The following FAM171A1 variants were observed in gnomAD, a reference collection of about 807,000 sequenced individuals.
FAM171A1 encodes the protein protein FAM171A1.
Under a neutral mutation model 74.9 loss-of-function variants are expected in FAM171A1, and 23 were observed. That is an observed-to-expected ratio of 0.31 (90% CI 0.22 to 0.44). The LOEUF (loss-of-function observed/expected upper bound fraction) is 0.44, where lower values mean the gene tolerates loss of function less well. Ranked by LOEUF, FAM171A1 falls within the 20% of genes least tolerant of loss-of-function variation. FAM171A1 has a pLI of 1.00. For missense variants in FAM171A1, 1,162 were observed against 1,159.2 expected, an observed-to-expected ratio of 1.00 and a Z score of -0.03; for synonymous variants, 527 against 505.7, an observed-to-expected ratio of 1.04 and a Z score of -0.57.
intron 5 of FAM171A1, among the ~76,000 whole-genome samples, chr10:15,233,887 C>A (rs181596191): frequency 2.5e-3 from 351 of 141,490 alleles, no homozygotes; most frequent in African/African-American, 9.1e-3. Flanking sequence ...GGTGACAGAG[C>A]AAGACTCCGT....
chr10:15,352,477 G>A (rs1835891220), intron 1 of FAM171A1, among the ~76,000 whole-genome samples: 1 of 152,124 alleles, frequency 6.6e-6, no homozygotes, highest in Non-Finnish European at 1.5e-5. Context: ...ATGTTTACTT[G>A]GCATTTATGA....
chr10:15,273,341 C>T (rs949355103), intron 3 of FAM171A1, among the ~76,000 whole-genome samples: 3 of 152,036 alleles, frequency 2.0e-5, no homozygotes, highest in African/African-American at 7.2e-5. Flanking sequence ...GACTAAACCA[C>T]GAAGAAGTTG....
At chr10:15,354,482 C>T (rs1267984470) in intron 1 of FAM171A1, among the ~76,000 whole-genome samples, 3 of 151,682 alleles carry the variant, frequency 2.0e-5, no homozygotes, top group East Asian at 1.9e-4. Context: ...GGTGACAGAG[C>T]GAGACCCTGT....
intron 3 of FAM171A1, among the ~76,000 whole-genome samples, chr10:15,274,706 G>A (rs1244029625): frequency 3.3e-5 from 5 of 152,172 alleles, no homozygotes; most frequent in Non-Finnish European, 7.3e-5. Flanking sequence ...CAATGGAACA[G>A]AACAGAGCCC....
intron 1 of FAM171A1, among the ~76,000 whole-genome samples, chr10:15,343,812 C>A (rs10906891): frequency 0.96 from 145,517 of 152,144 alleles, 69,682 homozygotes; most frequent in East Asian, 1. Context: ...ATCCATCTCT[C>A]AAAATAAAAT....
At position 15,212,743 on chromosome 10, in the gene FAM171A1, A is replaced by C. The variant is rs1833906325; in HGVS notation, c.*172T>G. 1 of 924,262 alleles carries C rather than the reference A, an allele frequency of 1.1e-6. No homozygotes were observed. Among genetic ancestry groups the C allele is most frequent in the African/African-American group, 1.7e-5 (1 of 60,536 alleles). 57.3% of individuals were successfully genotyped at this position (924,262 alleles called of 1,614,324 possible). A position where few individuals can be genotyped will look rare whatever the true frequency, so the allele number is the denominator to read the frequency against. On this transcript the variant is annotated 3_prime_UTR_variant, in exon 8 of 8. Coordinates refer to ENST00000378116, the MANE Select transcript of FAM171A1 (RefSeq NM_001010924.2). ...GCCAAAGTCATCCTTTATTCCGAGT[A>C]ATAACTTTAATTCCTTTCTAACATT...
intron 1 of FAM171A1, among the ~76,000 whole-genome samples, chr10:15,365,884 G>C (rs971155318): frequency 6.6e-5 from 10 of 152,262 alleles, no homozygotes; most frequent in Non-Finnish European, 1.0e-4. Context: ...ACAGAGGCTT[G>C]ATCAGAGAAG....
intron 1 of FAM171A1, among the ~76,000 whole-genome samples, chr10:15,299,960 T>TCAAA (rs3033566): frequency 0.64 from 95,238 of 148,460 alleles, 30,852 homozygotes; most frequent in East Asian, 0.82. Context: ...AGACTCCATC[T>TCAAA]CAAACAAACA....
intron 1 of FAM171A1, among the ~76,000 whole-genome samples, chr10:15,368,936 T>C (rs976059117): frequency 6.6e-6 from 1 of 152,182 alleles, no homozygotes; most frequent in Non-Finnish European, 1.5e-5. Flanking sequence ...GAGACCTGAT[T>C]TCTGAAAGAG....
intron 1 of FAM171A1, among the ~76,000 whole-genome samples, chr10:15,340,539 T>C (rs1835753585): frequency 6.6e-6 from 1 of 152,170 alleles, no homozygotes; most frequent in Non-Finnish European, 1.5e-5. Flanking sequence ...CTCTCCTTCA[T>C]CCTAAATCCC....
intron 1 of FAM171A1, among the ~76,000 whole-genome samples, chr10:15,316,453 G>A (rs1302160795): frequency 6.6e-6 from 1 of 152,212 alleles, no homozygotes; most frequent in Non-Finnish European, 1.5e-5. Context: ...GACCCTGCTT[G>A]TAGGAGAGCA....
At chr10:15,226,087 G>A (rs993954985) in intron 5 of FAM171A1, among the ~76,000 whole-genome samples, 2 of 152,184 alleles carry the variant, frequency 1.3e-5, no homozygotes, top group African/African-American at 4.8e-5. Context: ...TGGCCGCTGG[G>A]ACTTGCAGAC....
chr10:15,228,400 T>G (rs1412991379), intron 5 of FAM171A1, among the ~76,000 whole-genome samples: 1 of 149,242 alleles, frequency 6.7e-6, no homozygotes, highest in Non-Finnish European at 1.5e-5. Flanking sequence ...TGGAGTGCAG[T>G]GTTGCTATCT....
At chr10:15,272,884 T>A (rs1834845143) in intron 3 of FAM171A1, among the ~76,000 whole-genome samples, 2 of 152,156 alleles carry the variant, frequency 1.3e-5, no homozygotes, top group African/African-American at 4.8e-5. Context: ...TGGGACACAT[T>A]TAAAGCAATG....
intron 2 of FAM171A1, among the ~76,000 whole-genome samples, chr10:15,276,493 A>C (rs1834897003): frequency 1.3e-5 from 2 of 152,228 alleles, no homozygotes; most frequent in South Asian, 4.2e-4. Flanking sequence ...GTTTTCAGTA[A>C]AGTAACTAAG....
At chr10:15,235,719 A>G (rs1204397300) in intron 5 of FAM171A1, among the ~76,000 whole-genome samples, 1 of 152,228 alleles carries the variant, frequency 6.6e-6, no homozygotes, top group Non-Finnish European at 1.5e-5. Flanking sequence ...ATGATGCAGA[A>G]TATTTTCATG....
At chr10:15,268,108 C>T (rs759461970) in intron 3 of FAM171A1, among the ~76,000 whole-genome samples, 22 of 152,122 alleles carry the variant, frequency 1.4e-4, no homozygotes, top group East Asian at 9.7e-4. Flanking sequence ...GCTGTAGCCT[C>T]GTCCCTTCCT....
intron 1 of FAM171A1, among the ~76,000 whole-genome samples, chr10:15,338,138 T>C (rs1438197596): frequency 6.6e-6 from 1 of 152,226 alleles, no homozygotes; most frequent in African/African-American, 2.4e-5. Context: ...CTCAAAGTTT[T>C]AGAGCTACAG....
At chr10:15,366,973 C>T (rs553704808) in intron 1 of FAM171A1, among the ~76,000 whole-genome samples, 5 of 151,982 alleles carry the variant, frequency 3.3e-5, no homozygotes, top group Admixed American at 3.3e-4. Context: ...CTGAGGCAGG[C>T]GGATCACAAG....
Sources: gnomAD v4.1 joint callset for allele counts (sites outside exome capture counted in the v4.1 genomes callset) on GRCh38, gnomAD v4.1.1 for gene constraint, MANE v1.5 for transcripts, NCBI Gene and HGNC (gene_info 2026-07-23, HGNC 2026-07-21) for gene names.